Variants in MEF2C observed in about 807,000 individuals in gnomAD.
The protein encoded by MEF2C is myocyte-specific enhancer factor 2C.
MEF2C carries 6 observed loss-of-function variants against 50.5 expected under a neutral mutation model. The ratio of observed to expected loss-of-function variants is 0.12; its 90% CI spans 0.07 to 0.23. The LOEUF (loss-of-function observed/expected upper bound fraction) is 0.23, where lower values mean the gene tolerates loss of function less well. MEF2C is among the 10% of genes least tolerant of loss of function. MEF2C has a pLI of 1.00. For synonymous variants in MEF2C, 183 were observed against 228.0 expected, an observed-to-expected ratio of 0.80 and a Z score of 1.78; for missense variants, 276 against 605.0, an observed-to-expected ratio of 0.46 and a Z score of 5.70.
At chr5:88,871,078 A>G (rs1023292926) in intron 1 of MEF2C, among the ~76,000 whole-genome samples, 5 of 152,116 alleles carry the variant, frequency 3.3e-5, no homozygotes, top group African/African-American at 9.7e-5. Flanking sequence ...TCTATAAATC[A>G]TATCAAGAAG....
intron 5 of MEF2C, chr5:88,750,933 G>T: frequency 7.0e-6 from 2 of 287,152 alleles, no homozygotes; most frequent in Non-Finnish European, 1.0e-5. Flanking sequence ...TTCCTATAGA[G>T]TACTTTTAAA....
intron 3 of MEF2C, among the ~76,000 whole-genome samples, chr5:88,767,429 T>C (rs1247222678): frequency 1.3e-5 from 2 of 152,158 alleles, no homozygotes; most frequent in African/African-American, 4.8e-5. Flanking sequence ...CATTAATATA[T>C]TAAATCTAGT....
upstream of MEF2C, among the ~76,000 whole-genome samples, chr5:88,884,777 G>A (rs1046727154): frequency 4.9e-5 from 7 of 141,610 alleles, no homozygotes; most frequent in Non-Finnish European, 7.5e-5. Flanking sequence ...TAAGGTTAAA[G>A]CATGATAAAC....
At chr5:88,849,269 T>G (rs1820438281) in intron 1 of MEF2C, among the ~76,000 whole-genome samples, 1 of 152,096 alleles carries the variant, frequency 6.6e-6, no homozygotes, top group Non-Finnish European at 1.5e-5. Context: ...TAAATCCACA[T>G]GCTCCAACTG....
intron 3 of MEF2C, among the ~76,000 whole-genome samples, chr5:88,778,977 CCT>C (rs1027671361): frequency 4.6e-5 from 7 of 152,212 alleles, no homozygotes; most frequent in South Asian, 2.1e-4. Flanking sequence ...GCGGAGCTCC[CCT>C]GTTTTCTCTG....
chr5:88,797,634 G>A (rs560118866), intron 3 of MEF2C, among the ~76,000 whole-genome samples: 1 of 151,912 alleles, frequency 6.6e-6, no homozygotes, highest in African/African-American at 2.4e-5. Context: ...GGGGCATTTA[G>A]CCCATTTACA....
chr5:88,744,997 T>G (rs2152453392), intron 6 of MEF2C, among the ~76,000 whole-genome samples: 1 of 152,376 alleles, frequency 6.6e-6, no homozygotes, highest in South Asian at 2.1e-4. Flanking sequence ...TGTATACTGT[T>G]TCAGAAGAAT....
At chr5:88,731,643 T>C in intron 7 of MEF2C, 86 bp downstream of exon 7, 1 of 1,192,394 alleles carries the variant, frequency 8.4e-7, no homozygotes, top group East Asian at 2.5e-5. Context: ...GAATGTTAAG[T>C]AATTCATCAA....
chr5:88,842,225 G>A (rs304159), intron 1 of MEF2C, among the ~76,000 whole-genome samples: 63,449 of 151,826 alleles, frequency 0.42, 15,046 homozygotes, highest in African/African-American at 0.64. Context: ...CCTATTGTTG[G>A]CTTCTTCAGA....
In MEF2C at chr5:88,891,069, A is replaced by G. The variant is rs114215716; in HGVS notation, c.-239-3471T>C. On this transcript the variant is annotated intron_variant, in intron 1 of 11. Coordinates refer to the MEF2C transcript ENST00000340208. Reference sequence around the variant, plus strand: ...TTCCTCCAGGAAGAAATTCCATTTAACAAAGAATGAGGAGCATGGGGAATA... The same window carrying G: ...TTCCTCCAGGAAGAAATTCCATTTAGCAAAGAATGAGGAGCATGGGGAATA... Among the ~76,000 whole-genome samples, 1,146 of 152,362 alleles carry G rather than the reference A, an allele frequency of 7.5e-3. 10 individuals carry two copies. Among genetic ancestry groups the G allele is most frequent in the African/African-American group, 0.025 (1,050 of 41,582 alleles).
chr5:88,761,642 A>C (rs573204394), intron 3 of MEF2C: 2 of 233,072 alleles, frequency 8.6e-6, no homozygotes, highest in African/African-American at 4.6e-5. Flanking sequence ...GCAGAATACA[A>C]TTAAGGTGGC....
intron 6 of MEF2C, chr5:88,734,858 A>G: frequency 1.0e-6 from 1 of 975,386 alleles, no homozygotes; most frequent in Non-Finnish European, 1.2e-6. Flanking sequence ...ACATACTGAA[A>G]TGTAAAATAT....
At chr5:88,761,781 TGGCA>T in intron 3 of MEF2C, 2 of 165,000 alleles carry the variant, frequency 1.2e-5, no homozygotes, top group Non-Finnish European at 2.6e-5. Flanking sequence ...AACTAATGGT[TGGCA>T]TTAGTGGTGT....
intron 1 of MEF2C, chr5:88,880,981 G>A (rs532430060): frequency 6.6e-6 from 1 of 152,138 alleles, no homozygotes; most frequent in East Asian, 1.9e-4. Flanking sequence ...CGTAAATGGT[G>A]CAATTAATGA....
intron 7 of MEF2C, 100 bp from the exon 8 acceptor site, chr5:88,730,334 C>T: frequency 7.6e-7 from 1 of 1,307,932 alleles, no homozygotes; most frequent in South Asian, 1.3e-5. Context: ...CCGATAGACA[C>T]AACAGTTTAA....
At chr5:88,810,850 C>CAG (rs1447814520) in intron 2 of MEF2C, among the ~76,000 whole-genome samples, 2 of 152,060 alleles carry the variant, frequency 1.3e-5, no homozygotes, top group Non-Finnish European at 2.9e-5. Flanking sequence ...CTTGAGCAAA[C>CAG]CCAGTAGGTG....
chr5:88,860,969 T>C (rs1211767866), intron 1 of MEF2C, among the ~76,000 whole-genome samples: 1 of 152,214 alleles, frequency 6.6e-6, no homozygotes, highest in Non-Finnish European at 1.5e-5. Flanking sequence ...ATTTATAAAG[T>C]TCATCACTTC....
At chr5:88,806,447 G>T (rs1800471497) in intron 2 of MEF2C, among the ~76,000 whole-genome samples, 1 of 151,894 alleles carries the variant, frequency 6.6e-6, no homozygotes, top group Non-Finnish European at 1.5e-5. Flanking sequence ...GCCCCTTTTG[G>T]AATCCCCATC....
chr5:88,793,460 G>A (rs1272444643), intron 3 of MEF2C, among the ~76,000 whole-genome samples: 1 of 152,058 alleles, frequency 6.6e-6, no homozygotes, highest in Non-Finnish European at 1.5e-5. Context: ...AGGGACCTTG[G>A]TTATATCTGT....
Sources: gnomAD v4.1 joint callset for allele counts (sites outside exome capture counted in the v4.1 genomes callset) on GRCh38, gnomAD v4.1.1 for gene constraint, MANE v1.5 for transcripts, NCBI Gene and HGNC (gene_info 2026-07-23, HGNC 2026-07-21) for gene names.